Variants in SYTL2 observed in about 807,000 individuals in gnomAD.
The protein encoded by SYTL2 is synaptotagmin like 2, also known as synaptotagmin-like protein 2.
Under a neutral mutation model 198.7 loss-of-function variants are expected in SYTL2, and 165 were observed. That is an observed-to-expected ratio of 0.83 (90% CI 0.73 to 0.94). The LOEUF (loss-of-function observed/expected upper bound fraction) is 0.94, where lower values mean the gene tolerates loss of function less well. SYTL2 is among the 40% of genes least tolerant of loss of function. The probability of loss-of-function intolerance (pLI) is 0.00; values close to 1 mark genes in which losing one functional copy is unlikely to be tolerated. For synonymous variants in SYTL2, 966 were observed against 917.7 expected, an observed-to-expected ratio of 1.05 and a Z score of -0.95; for missense variants, 2,835 against 2,582.8, an observed-to-expected ratio of 1.10 and a Z score of -2.12.
chr11:85,733,817 T>C (rs2090073110), intron 7 of SYTL2, 122 bp downstream of exon 7: 1 of 734,792 alleles, frequency 1.4e-6, no homozygotes, highest in African/African-American at 1.8e-5. Context: ...GCCAGGATGG[T>C]CTCGATCTCC....
At chr11:85,706,278 G>A (rs1183568267) in intron 15 of SYTL2, among the ~76,000 whole-genome samples, 1 of 152,178 alleles carries the variant, frequency 6.6e-6, no homozygotes, top group Non-Finnish European at 1.5e-5. Flanking sequence ...TTGCAAATCT[G>A]AAAACTAGCA....
intron 1 of SYTL2, among the ~76,000 whole-genome samples, chr11:85,799,453 C>A (rs1263535024): frequency 2.0e-5 from 3 of 152,172 alleles, no homozygotes; most frequent in African/African-American, 7.2e-5. Context: ...GTTTTAAGAA[C>A]AGCTAGGATT....
At chr11:85,756,235 G>C (rs529453679) in intron 2 of SYTL2, among the ~76,000 whole-genome samples, 1 of 152,226 alleles carries the variant, frequency 6.6e-6, no homozygotes, top group African/African-American at 2.4e-5. Flanking sequence ...ACCTCTCCTG[G>C]GGACACTGTT....
intron 4 of SYTL2, among the ~76,000 whole-genome samples, chr11:85,742,229 T>A (rs140446559): frequency 6.6e-6 from 1 of 152,216 alleles, no homozygotes; most frequent in East Asian, 1.9e-4. Context: ...TCTTCTCTCA[T>A]AGCTATGCAA....
intron 19 of SYTL2, 61 bp from the exon 20 acceptor site, chr11:85,695,401 GA>G (rs1311201393): frequency 7.8e-6 from 11 of 1,404,652 alleles, no homozygotes; most frequent in Non-Finnish European, 9.5e-6. Context: ...GGGAAAGAGG[GA>G]AAGTTATTCC....
intron 16 of SYTL2, among the ~76,000 whole-genome samples, chr11:85,703,204 G>T (rs1478844193): frequency 1.3e-5 from 2 of 151,868 alleles, no homozygotes; most frequent in African/African-American, 4.8e-5. Flanking sequence ...AAAATAGTGG[G>T]GCAAAAGTAA....
intron 7 of SYTL2, 48 bp downstream of exon 7, chr11:85,733,891 G>A (rs771077754): frequency 8.4e-6 from 13 of 1,540,408 alleles, no homozygotes; most frequent in African/African-American, 2.7e-5. Flanking sequence ...GAGCCACCGC[G>A]CCCGGCCCCA....
intron 11 of SYTL2, chr11:85,716,910 C>T (rs2087376083): frequency 6.6e-6 from 1 of 152,188 alleles, no homozygotes; most frequent in Non-Finnish European, 1.5e-5. Context: ...CACAGGTATA[C>T]ATTTACTTCT....
intron 4 of SYTL2, among the ~76,000 whole-genome samples, chr11:85,738,776 T>C (rs961868187): frequency 6.6e-6 from 1 of 152,140 alleles, no homozygotes; most frequent in African/African-American, 2.4e-5. Flanking sequence ...ATAAAGCAGT[T>C]ACATAATCAG....
chr11:85,739,654 C>T (rs1222408968), intron 4 of SYTL2, among the ~76,000 whole-genome samples: 1 of 152,172 alleles, frequency 6.6e-6, no homozygotes, highest in Non-Finnish European at 1.5e-5. Context: ...ACCTTATTCT[C>T]AATTGATCCT....
chr11:85,717,431 A>C (rs560765251), intron 11 of SYTL2, 52 bp downstream of exon 11: 1 of 1,463,008 alleles, frequency 6.8e-7, no homozygotes. Context: ...CAGTATATTT[A>C]ATATGTAAAG....
intron 2 of SYTL2, among the ~76,000 whole-genome samples, chr11:85,750,152 T>G (rs2091427344): frequency 6.6e-6 from 1 of 152,072 alleles, no homozygotes; most frequent in Non-Finnish European, 1.5e-5. Context: ...CCAAATTACA[T>G]CCAAATCTCA....
intron 1 of SYTL2, among the ~76,000 whole-genome samples, chr11:85,805,518 T>C (rs2092947374): frequency 6.6e-6 from 1 of 152,138 alleles, no homozygotes; most frequent in Non-Finnish European, 1.5e-5. Context: ...CTGAGGAACT[T>C]AGCTTGCCTG....
intron 8 of SYTL2, among the ~76,000 whole-genome samples, chr11:85,723,072 C>A (rs1335183328): frequency 1.3e-5 from 2 of 152,226 alleles, no homozygotes; most frequent in Non-Finnish European, 2.9e-5. Context: ...AAAAAACATT[C>A]TCTATCATTT....
the SYTL2 span, among the ~76,000 whole-genome samples, chr11:85,840,581 A>G: frequency 6.6e-6 from 1 of 152,196 alleles, no homozygotes; most frequent in Non-Finnish European, 1.5e-5. Flanking sequence ...CCACACACCT[A>G]CAAATACCTG....
Position 85,727,493 on chromosome 11 carries a change from C to G in SYTL2, c.1865G>C (p.Gly622Ala). The part of the protein sequence containing the change: ...KSKFMNLSQK[G>A]TPKEGPGILQ... ...TATACCTGGGCCTTCCTTTGGGGTGCCTTTTTGGGACAAATTCATGAATTT... is the reference window on the plus strand; with the variant it reads ...TATACCTGGGCCTTCCTTTGGGGTGGCTTTTTGGGACAAATTCATGAATTT... Residue 622 changes from glycine (G) to alanine (A), a missense_variant, in exon 8 of 20, where the codon GGC (glycine) becomes GCC (alanine). By Grantham distance (60) the Gly-to-Ala change is moderately conservative. Transcript: ENST00000359152. The G allele has an allele frequency of 6.5e-7, 1 of 1,535,880 alleles. No individual in the cohort carries two copies. The highest frequency in any genetic ancestry group is 1.4e-5 in the African/African-American group (1 of 73,100).
Position 85,745,843 on chromosome 11 carries a change from C to G in SYTL2, c.254-71G>C, listed in dbSNP as rs542170248. On this transcript the variant is annotated intron_variant, in intron 3 of 19. Transcript: ENST00000359152. ...ATGACCTACAACTCTCTTATCAGCT[C>G]TTATCACTGAAGCCTTGAACCTGAA... The G allele has an allele frequency of 4.7e-6, 7 of 1,492,046 alleles. No individual in the cohort carries two copies. The East Asian group carries it at 1.4e-4, about 29-fold the overall frequency. 92.4% of individuals were successfully genotyped at this position (1,492,046 alleles called of 1,614,324 possible).
chr11:85,833,657 G>A, the SYTL2 span, among the ~76,000 whole-genome samples: 1 of 150,740 alleles, frequency 6.6e-6, no homozygotes, highest in Non-Finnish European at 1.5e-5. Context: ...GTGGTTCTGG[G>A]TTGGTAATGC....
intron 1 of SYTL2, among the ~76,000 whole-genome samples, chr11:85,791,028 A>T (rs2092720978): frequency 6.6e-6 from 1 of 151,766 alleles, no homozygotes; most frequent in Admixed American, 6.6e-5. Context: ...TTAGCCGGGC[A>T]TGGTGATGCA....
Sources: gnomAD v4.1 joint callset for allele counts (sites outside exome capture counted in the v4.1 genomes callset) on GRCh38, gnomAD v4.1.1 for gene constraint, MANE v1.5 for transcripts, NCBI Gene and HGNC (gene_info 2026-07-23, HGNC 2026-07-21) for gene names.